AFG1L: variants seen among roughly 807,000 people sequenced by gnomAD.
AFG1L encodes the protein AFG1 like ATPase.
In AFG1L, 53 loss-of-function variants were observed where a neutral mutation model predicts 62.2. That is an observed-to-expected ratio of 0.85 (90% CI 0.68 to 1.07). AFG1L has a LOEUF of 1.07. Ranked by LOEUF, AFG1L falls within the 50% of genes least tolerant of loss-of-function variation. AFG1L has a pLI of 0.00. For synonymous variants in AFG1L, 228 were observed against 210.3 expected (o/e 1.08, Z -0.73); for missense variants, 555 against 590.5 (o/e 0.94, Z 0.62).
At chr6:108,467,781 G>A (rs1163821324) in intron 8 of AFG1L, among the ~76,000 whole-genome samples, 2 of 152,120 alleles carry the variant, frequency 1.3e-5, no homozygotes, top group African/African-American at 2.4e-5. Context: ...ATTATTATGG[G>A]CATGCATTAT....
At chr6:108,475,158 T>C (rs930249044) in intron 8 of AFG1L, among the ~76,000 whole-genome samples, 3 of 152,176 alleles carry the variant, frequency 2.0e-5, no homozygotes, top group African/African-American at 7.2e-5. Flanking sequence ...CCTTTCCCCA[T>C]TGCTTGTTTT....
chr6:108,349,139 G>A (rs892897117), intron 3 of AFG1L, among the ~76,000 whole-genome samples: 9 of 152,180 alleles, frequency 5.9e-5, no homozygotes, highest in Non-Finnish European at 2.9e-5. Context: ...GAAATGGGAA[G>A]TGAGACGAAC....
chr6:108,373,621 T>TCCA (rs1202602756), intron 6 of AFG1L, among the ~76,000 whole-genome samples: 4 of 151,220 alleles, frequency 2.6e-5, no homozygotes, highest in Non-Finnish European at 5.9e-5. Flanking sequence ...GGAGTCTAGC[T>TCCA]TTGTTACTCA....
Position 108,487,964 on chromosome 6 carries a change from A to C in AFG1L, c.1062+10672A>C, listed in dbSNP as rs971204298. ...GAGCAGGAATGTGGTACCTAGAGTA[A>C]TGTTTTAGGAAGATTAACAGGTCAG... On this transcript the variant is annotated intron_variant, in intron 10 of 12. Transcript: ENST00000368977. Among the ~76,000 whole-genome samples the C allele has an allele frequency of 3.3e-5, 5 of 151,896 alleles. 1 individual carries two copies. Among genetic ancestry groups the C allele is most frequent in the Non-Finnish European group, 7.4e-5 (5 of 68,016 alleles).
In AFG1L at chr6:108,524,809, C is replaced by T. The variant is rs1477228997; in HGVS notation, c.*2384C>T. On this transcript the variant is annotated 3_prime_UTR_variant, in exon 13 of 13. Transcript: ENST00000368977. Reference sequence around the variant, plus strand: ...GGCTGGAAATCTCCAAAGCTGGTTTCATAAAATAGCATGCAAGAAAAAAAC... The same window carrying T: ...GGCTGGAAATCTCCAAAGCTGGTTTTATAAAATAGCATGCAAGAAAAAAAC... 6.6e-6 allele frequency: 1 copy of T among 152,072 alleles called. No homozygotes were observed. The highest frequency in any genetic ancestry group is 1.5e-5 in the Non-Finnish European group (1 of 68,020). The allele number at this position is 152,072 out of a possible 1,614,324, so 9.4% of individuals were successfully genotyped here. A position where few individuals can be genotyped will look rare whatever the true frequency, so the allele number is the denominator to read the frequency against.
chr6:108,330,036 A>T (rs978825120), intron 2 of AFG1L, among the ~76,000 whole-genome samples: 1 of 152,220 alleles, frequency 6.6e-6, no homozygotes, highest in African/African-American at 2.4e-5. Context: ...TTGAGCTAGC[A>T]TGCTCAGCCC....
chr6:108,408,338 A>G (rs541874814), intron 7 of AFG1L, among the ~76,000 whole-genome samples: 67 of 152,284 alleles, frequency 4.4e-4, no homozygotes, highest in African/African-American at 1.5e-3. Flanking sequence ...AGCTTTGACT[A>G]TATCAGAATG....
chr6:108,381,073 C>T lies in AFG1L; in HGVS notation c.748+14741C>T, dbSNP rs139415529. Among the ~76,000 whole-genome samples, 86 of 152,234 alleles carry T rather than the reference C, an allele frequency of 5.6e-4. 1 individual carries two copies. The highest frequency in any genetic ancestry group is 1.9e-3 in the African/African-American group (79 of 41,532). On this transcript the variant is annotated intron_variant, in intron 6 of 12. Coordinates refer to ENST00000368977, the MANE Select transcript of AFG1L (RefSeq NM_145315.5). ...CAAGTGTCTGAGGCAGGCTGAAAGC[C>T]GCTAATCCACCATCTTGGAAAAAAG... is the stretch of plus-strand genomic sequence containing the variant.
At chr6:108,399,212 G>T in intron 6 of AFG1L, among the ~76,000 whole-genome samples, 1 of 114,508 alleles carries the variant, frequency 8.7e-6, no homozygotes, top group African/African-American at 3.5e-5. Context: ...TTTTTGAGAC[G>T]GAGTCTCACT....
intron 6 of AFG1L, among the ~76,000 whole-genome samples, chr6:108,400,734 A>G (rs1781545747): frequency 8.0e-6 from 1 of 125,260 alleles, no homozygotes; most frequent in East Asian, 2.0e-4. Flanking sequence ...TATATATAAT[A>G]TATATTATAT....
chr6:108,497,865 G>A (rs376498013), intron 10 of AFG1L, among the ~76,000 whole-genome samples: 1 of 152,114 alleles, frequency 6.6e-6, no homozygotes, highest in African/African-American at 2.4e-5. Context: ...GTTAGCTCTT[G>A]CTGCATAATA....
chr6:108,376,260 C>T (rs1391760233), intron 6 of AFG1L, among the ~76,000 whole-genome samples: 20 of 151,962 alleles, frequency 1.3e-4, no homozygotes, highest in Admixed American at 1.3e-3. Flanking sequence ...TTCAAAGAAC[C>T]AACTTTTGGT....
At chr6:108,478,965 T>C (rs1426579263) in intron 10 of AFG1L, among the ~76,000 whole-genome samples, 2 of 152,214 alleles carry the variant, frequency 1.3e-5, no homozygotes, top group African/African-American at 4.8e-5. Context: ...TAAAAATAAA[T>C]TGTTTTGTCT....
chr6:108,397,109 A>C (rs982406874), intron 6 of AFG1L, among the ~76,000 whole-genome samples: 2 of 151,788 alleles, frequency 1.3e-5, no homozygotes, highest in African/African-American at 4.8e-5. Flanking sequence ...GCTCACTGCA[A>C]CCTCTGCCTC....
intron 7 of AFG1L, 74 bp downstream of exon 7, chr6:108,402,128 T>G: frequency 1.4e-6 from 1 of 727,000 alleles, no homozygotes; most frequent in Non-Finnish European, 2.2e-6. Flanking sequence ...TAGGATTGTC[T>G]TAGTCTTGGC....
chr6:108,356,860 G>A (rs1031604448), intron 5 of AFG1L, 40 bp downstream of exon 5: 1 of 1,525,892 alleles, frequency 6.6e-7, no homozygotes. Context: ...ATGGTATATT[G>A]AATGAGGTAT....
Position 108,452,314 on chromosome 6 carries a change from C to A in AFG1L, c.890+5018C>A, listed in dbSNP as rs530547903. Among the ~76,000 whole-genome samples the A allele has an allele frequency of 1.5e-3, 235 of 152,172 alleles. 1 individual carries two copies. Among genetic ancestry groups the A allele is most frequent in the Middle Eastern group, 0.01 (3 of 294 alleles). On this transcript the variant is annotated intron_variant, in intron 8 of 12. Coordinates refer to ENST00000368977, the MANE Select transcript of AFG1L (RefSeq NM_145315.5). The stretch of plus-strand genomic sequence containing the variant: ...TGCTGAAGGATCCATGATATGCTTC[C>A]CCAGGCCATTTTGCTATCCCTATTG...
intron 10 of AFG1L, among the ~76,000 whole-genome samples, chr6:108,494,235 C>T (rs1216083844): frequency 2.0e-5 from 3 of 151,820 alleles, no homozygotes; most frequent in Admixed American, 6.6e-5. Context: ...AGATCTGATT[C>T]GATAGACCTG....
intron 2 of AFG1L, among the ~76,000 whole-genome samples, chr6:108,327,831 T>C (rs1032628785): frequency 2.6e-5 from 4 of 152,228 alleles, no homozygotes; most frequent in African/African-American, 9.6e-5. Flanking sequence ...AAGGATCTCA[T>C]AGGCCAACCA....
Sources: gnomAD v4.1 joint callset for allele counts (sites outside exome capture counted in the v4.1 genomes callset) on GRCh38, gnomAD v4.1.1 for gene constraint, MANE v1.5 for transcripts, NCBI Gene and HGNC (gene_info 2026-07-23, HGNC 2026-07-21) for gene names.